PTPN12: variants seen among roughly 807,000 people sequenced by gnomAD.
PTPN12 encodes the protein tyrosine-protein phosphatase non-receptor type 12.
In PTPN12, 29 loss-of-function variants were observed where a neutral mutation model predicts 97.6. The observed-to-expected ratio is 0.30, with a 90% confidence interval of 0.22 to 0.41. The LOEUF (loss-of-function observed/expected upper bound fraction) is 0.41. Ranked by LOEUF, PTPN12 falls within the 10% of genes least tolerant of loss-of-function variation. The pLI, the probability that PTPN12 is intolerant of heterozygous loss-of-function variation, is 1.00. For missense variants in PTPN12, 819 were observed against 926.0 expected (o/e 0.88, Z 1.50); for synonymous variants, 327 against 300.4 (o/e 1.09, Z -0.91).
intron 1 of PTPN12, among the ~76,000 whole-genome samples, chr7:77,556,613 G>A (rs1807723996): frequency 6.6e-6 from 1 of 152,064 alleles, no homozygotes; most frequent in Admixed American, 6.5e-5. Context: ...ACTTTGGGAG[G>A]CTGAGGCTGG....
At chr7:77,599,087 A>G (rs533551953) in intron 7 of PTPN12, among the ~76,000 whole-genome samples, 2 of 151,766 alleles carry the variant, frequency 1.3e-5, no homozygotes, top group African/African-American at 4.8e-5. Context: ...CACATTACAT[A>G]AAAAGTAATA....
chr7:77,612,769 GGTTTTTTTT>G (rs1788612388), intron 11 of PTPN12, among the ~76,000 whole-genome samples: 1 of 149,768 alleles, frequency 6.7e-6, no homozygotes, highest in South Asian at 2.1e-4. Flanking sequence ...TTGTTTGATT[GGTTTTTTTT>G]GTTTTTTGGT....
Position 77,625,472 on chromosome 7 carries a change from G to GCTCTCTCTCTCTCTCT in PTPN12, c.1026-1197_1026-1182dup, listed in dbSNP as rs775712037. ...TTTTGCCATATTGCCCAGGCTGCTCGCTCTCTCTCTCTCTCTCTCTCTCTC... is the reference window on the plus strand; with the variant it reads ...TTTTGCCATATTGCCCAGGCTGCTCGCTCTCTCTCTCTCTCTCTCTCTCTCTCTCTCTCTCTCTCTC... On this transcript the variant is annotated intron_variant, in intron 12 of 17. Coordinates refer to ENST00000248594, the MANE Select transcript of PTPN12 (RefSeq NM_002835.4). 2.7e-3 allele frequency among the ~76,000 whole-genome samples: 90 copies of GCTCTCTCTCTCTCTCT among 33,486 alleles called. 3 individuals carry two copies. The highest frequency in any genetic ancestry group is 3.7e-3 in the Non-Finnish European group (73 of 19,994). 22.0% of individuals were successfully genotyped at this position (33,486 alleles called of 152,430 possible). A position where few individuals can be genotyped will look rare whatever the true frequency, so the allele number is the denominator to read the frequency against.
chr7:77,602,984 T>C (rs1048536802), intron 8 of PTPN12, among the ~76,000 whole-genome samples: 16 of 152,218 alleles, frequency 1.1e-4, no homozygotes, highest in Non-Finnish European at 2.1e-4. Context: ...AGTTTTCTTA[T>C]TCACTTGGTT....
At chr7:77,598,084 G>A (rs151087828) in intron 7 of PTPN12, among the ~76,000 whole-genome samples, 183 bp downstream of exon 7, 2 of 152,050 alleles carry the variant, frequency 1.3e-5, no homozygotes, top group Non-Finnish European at 2.9e-5. Context: ...AAAGTTAGCC[G>A]GGCATGGTGG....
At chr7:77,611,116 T>C in intron 11 of PTPN12, 70 bp downstream of exon 11, 1 of 1,215,954 alleles carries the variant, frequency 8.2e-7, no homozygotes, top group Non-Finnish European at 1.2e-6. Context: ...TTAGCCTTTT[T>C]TTTGTTGTCT....
chr7:77,543,986 A>G lies in PTPN12; in HGVS notation c.99+6341A>G, dbSNP rs140941787. 1.5e-3 allele frequency among the ~76,000 whole-genome samples: 224 copies of G among 152,278 alleles called. 2 individuals are homozygous for G. Among genetic ancestry groups the G allele is most frequent in the African/African-American group, 5.0e-3 (207 of 41,560 alleles). ...ATGCAGCTATGAACATTTGTGTACA[A>G]GTTTCTGTGTGGACACATTTTCAGG... On this transcript the variant is annotated intron_variant, in intron 1 of 17. Coordinates refer to ENST00000248594, the MANE Select transcript of PTPN12 (RefSeq NM_002835.4).
intron 8 of PTPN12, among the ~76,000 whole-genome samples, chr7:77,603,408 A>G (rs1229266717): frequency 6.6e-6 from 1 of 152,246 alleles, no homozygotes; most frequent in Non-Finnish European, 1.5e-5. Context: ...TTTGCTTTCC[A>G]CTAGTTCCAC....
intron 1 of PTPN12, among the ~76,000 whole-genome samples, chr7:77,556,385 G>T (rs1254831370): frequency 6.6e-6 from 1 of 152,046 alleles, no homozygotes; most frequent in African/African-American, 2.4e-5. Flanking sequence ...TAGTGAGCTT[G>T]TTTATGGATT....
In PTPN12 at chr7:77,583,091, A is replaced by G. The variant is rs139383278; in HGVS notation, c.286-464A>G. ...TTGTTTGGTTTATATTCTCATGTTC[A>G]TTATTAAAAACCTGTATAGTAGATG... On this transcript the variant is annotated intron_variant, in intron 3 of 17. Transcript: ENST00000248594. Among the ~76,000 whole-genome samples the G allele has an allele frequency of 8.3e-3, 1,260 of 152,292 alleles. 16 individuals carry two copies. The highest frequency in any genetic ancestry group is 0.011 in the Non-Finnish European group (722 of 68,026).
intron 11 of PTPN12, among the ~76,000 whole-genome samples, chr7:77,612,909 T>C (rs1437253318): frequency 6.6e-6 from 1 of 151,532 alleles, no homozygotes; most frequent in African/African-American, 2.4e-5. Flanking sequence ...ATAGCTGGGA[T>C]TACAGGCATG....
At chr7:77,565,379 T>C (rs1213513222) in intron 1 of PTPN12, among the ~76,000 whole-genome samples, 1 of 152,238 alleles carries the variant, frequency 6.6e-6, no homozygotes, top group Non-Finnish European at 1.5e-5. Flanking sequence ...CAAGATTTGC[T>C]GATGGGGAGA....
At chr7:77,633,441 C>A (rs901072663) in intron 14 of PTPN12, among the ~76,000 whole-genome samples, 1 of 151,896 alleles carries the variant, frequency 6.6e-6, no homozygotes, top group Admixed American at 6.6e-5. Flanking sequence ...AACCCTGTCT[C>A]TACTAGAAAT....
intron 1 of PTPN12, among the ~76,000 whole-genome samples, chr7:77,553,187 G>A (rs1807557121): frequency 6.6e-6 from 1 of 152,190 alleles, no homozygotes; most frequent in African/African-American, 2.4e-5. Flanking sequence ...ATTTGTTGAG[G>A]TGTGTTTAAT....
intron 9 of PTPN12, among the ~76,000 whole-genome samples, chr7:77,608,038 A>C (rs554706398): frequency 4.6e-5 from 7 of 152,276 alleles, no homozygotes; most frequent in Admixed American, 4.6e-4. Context: ...TGTAGGCGTG[A>C]GCTACGGTGC....
Position 77,639,364 on chromosome 7 carries a change from T to TTA in PTPN12, c.*84_*85insTA. 1 of 1,111,242 alleles carries TTA rather than the reference T, an allele frequency of 9.0e-7. No homozygotes were observed. The highest frequency in any genetic ancestry group is 1.3e-6 in the Non-Finnish European group (1 of 746,968). 68.8% of individuals were successfully genotyped at this position (1,111,242 alleles called of 1,614,324 possible). On this transcript the variant is annotated 3_prime_UTR_variant, in exon 18 of 18. Coordinates refer to ENST00000248594, the MANE Select transcript of PTPN12 (RefSeq NM_002835.4). ...CAGATTTATAGTATTCCATCTTTAA[T>TTA]ATGTGGGACTAACAGCAGTGTAGAT...
At chr7:77,588,342 G>A (rs1562731478) in intron 5 of PTPN12, among the ~76,000 whole-genome samples, 1 of 152,156 alleles carries the variant, frequency 6.6e-6, no homozygotes, top group Non-Finnish European at 1.5e-5. Flanking sequence ...AAATAGGAAA[G>A]CCCAAGGAGA....
chr7:77,568,957 C>T (rs958737265), intron 1 of PTPN12, among the ~76,000 whole-genome samples: 1 of 152,124 alleles, frequency 6.6e-6, no homozygotes, highest in African/African-American at 2.4e-5. Context: ...GTGCAAGATG[C>T]GTATATAAGT....
At chr7:77,568,637 C>T (rs763958623) in intron 1 of PTPN12, among the ~76,000 whole-genome samples, 2 of 151,994 alleles carry the variant, frequency 1.3e-5, no homozygotes, top group Non-Finnish European at 2.9e-5. Context: ...AGTGAGACTC[C>T]GTCTGTGAAT....
Sources: allele counts gnomAD v4.1 joint callset (sites outside exome capture counted in the v4.1 genomes callset), GRCh38; gene constraint gnomAD v4.1.1; transcripts MANE v1.5; gene names NCBI Gene and HGNC (gene_info 2026-07-23, HGNC 2026-07-21).